ADAMTS16: variants seen among roughly 807,000 people sequenced by gnomAD.
ADAMTS16 encodes the protein A disintegrin and metalloproteinase with thrombospondin motifs 16.
Under a neutral mutation model 145.8 loss-of-function variants are expected in ADAMTS16, and 94 were observed. The ratio of observed to expected loss-of-function variants is 0.64; its 90% CI spans 0.55 to 0.77. ADAMTS16 has a LOEUF of 0.77. Among genes scored for constraint, ADAMTS16 ranks in the 30% least tolerant of loss-of-function variants. The pLI is 0.00. For missense variants in ADAMTS16, 1,585 were observed against 1,591.5 expected, an observed-to-expected ratio of 1.00 and a Z score of 0.07; for synonymous variants, 659 against 604.3, an observed-to-expected ratio of 1.09 and a Z score of -1.33.
chr5:5,309,855 T>TGTGTGTGTGCGC (rs1025058238), intron 21 of ADAMTS16, among the ~76,000 whole-genome samples: 2 of 149,684 alleles, frequency 1.3e-5, no homozygotes, highest in African/African-American at 4.9e-5. Flanking sequence ...TGTGTGTGTG[T>TGTGTGTGTGCGC]GCATGTGATC....
intron 9 of ADAMTS16, among the ~76,000 whole-genome samples, chr5:5,208,087 A>G (rs933916145): frequency 2.6e-5 from 4 of 152,230 alleles, no homozygotes; most frequent in Non-Finnish European, 5.9e-5. Context: ...AAGAGATTGT[A>G]GAGAATTGGT....
intron 11 of ADAMTS16, among the ~76,000 whole-genome samples, chr5:5,227,505 CTGTGTGTG>C (rs55875918): frequency 0.19 from 28,547 of 148,284 alleles, 3,107 homozygotes; most frequent in East Asian, 0.48. Flanking sequence ...AGATCTAATA[CTGTGTGTG>C]TGTGTGTGTG....
intron 21 of ADAMTS16, among the ~76,000 whole-genome samples, chr5:5,307,395 G>A (rs1004049527): frequency 2.0e-5 from 3 of 152,198 alleles, no homozygotes; most frequent in African/African-American, 7.2e-5. Context: ...TTGGCTGGGA[G>A]AGTGAGCCTC....
chr5:5,230,689 C>T (rs868842314), intron 11 of ADAMTS16, among the ~76,000 whole-genome samples: 1 of 152,182 alleles, frequency 6.6e-6, no homozygotes, highest in Non-Finnish European at 1.5e-5. Flanking sequence ...AAGCTATTAC[C>T]ATGTCAATAC....
intron 18 of ADAMTS16, among the ~76,000 whole-genome samples, chr5:5,279,701 A>G (rs1738826004): frequency 7.3e-6 from 1 of 137,610 alleles, no homozygotes; most frequent in Admixed American, 7.3e-5. Context: ...TTTATCTTCC[A>G]GGTTTTCTGC....
At chr5:5,151,594 T>C (rs1579273727) in intron 3 of ADAMTS16, among the ~76,000 whole-genome samples, 1 of 144,004 alleles carries the variant, frequency 6.9e-6, no homozygotes, top group African/African-American at 2.7e-5. Flanking sequence ...ACATGATGTT[T>C]ATACACACAC....
intron 17 of ADAMTS16, among the ~76,000 whole-genome samples, chr5:5,251,080 T>C (rs79822401): frequency 0.038 from 5,814 of 152,262 alleles, 123 homozygotes; most frequent in Middle Eastern, 0.058. Flanking sequence ...TCCACCTTCA[T>C]GAAGGCTCAA....
Position 5,209,189 on chromosome 5 carries a change from A to G in ADAMTS16, c.1548A>G (p.Thr516=). ...CAGGAGAATTATATGATGCAAACAC[A>G]CAGTGCAAGTGGCAGTTCGGAGAGA... The part of the protein sequence containing the change: ...KLPGELYDAN[T]QCKWQFGEKA... The change falls in exon 10 of 23, where the codon ACA becomes ACG. Residue 516 remains threonine, a synonymous_variant. Coordinates refer to ENST00000274181, the MANE Select transcript of ADAMTS16 (RefSeq NM_139056.4). 6.2e-7 allele frequency: 1 copy of G among 1,614,096 alleles called. No homozygotes were observed. Among genetic ancestry groups the G allele is most frequent in the Non-Finnish European group, 8.5e-7 (1 of 1,179,930 alleles).
chr5:5,222,490 G>C (rs971150931), intron 10 of ADAMTS16, among the ~76,000 whole-genome samples: 1 of 152,034 alleles, frequency 6.6e-6, no homozygotes, highest in Admixed American at 6.6e-5. Context: ...ACTTTTTATA[G>C]TTTTCTGCAA....
chr5:5,235,125 G>A lies in ADAMTS16; in HGVS notation c.1962G>A (p.Glu654=). 6.2e-7 allele frequency: 1 copy of A among 1,600,710 alleles called. No homozygotes were observed. Among genetic ancestry groups the A allele is most frequent in the South Asian group, 1.1e-5 (1 of 90,514 alleles). ...SVDFRAAQCA[E]HNSRRFRGRH... is the part of the protein sequence containing the mutation. ...ACTTCCGTGCTGCTCAGTGTGCCGA[G>A]CACAACAGCAGACGATTCAGAGGGC... Residue 654 remains glutamate (E), a synonymous_variant, in exon 13 of 23, where the codon GAG becomes GAA. Coordinates refer to ENST00000274181, the MANE Select transcript of ADAMTS16 (RefSeq NM_139056.4).
chr5:5,288,939 C>T (rs1024316617), intron 18 of ADAMTS16, among the ~76,000 whole-genome samples: 3 of 152,136 alleles, frequency 2.0e-5, no homozygotes, highest in Non-Finnish European at 4.4e-5. Flanking sequence ...TCAGCTTCCT[C>T]GTTCATGAAA....
chr5:5,207,456 A>G (rs1333610589), intron 9 of ADAMTS16, among the ~76,000 whole-genome samples: 1 of 152,012 alleles, frequency 6.6e-6, no homozygotes, highest in Non-Finnish European at 1.5e-5. Flanking sequence ...TCAAATTTCT[A>G]CCTAGACAAT....
At chr5:5,167,489 G>T (rs1175678697) in intron 3 of ADAMTS16, among the ~76,000 whole-genome samples, 3 of 152,110 alleles carry the variant, frequency 2.0e-5, no homozygotes, top group Non-Finnish European at 4.4e-5. Context: ...CTTAAGTTTT[G>T]GTTGTTCTTA....
In ADAMTS16 at chr5:5,319,296, T is replaced by G; in HGVS notation, c.*158T>G. On this transcript the variant is annotated 3_prime_UTR_variant, in exon 23 of 23. Transcript: ENST00000274181. ...TTGACCAGGAGTGTATGTATGTGTT[T>G]CACTGTGAGCCTGGGTGCAGACCTG... 1 of 624,374 alleles carries G rather than the reference T, an allele frequency of 1.6e-6. No homozygotes were observed. Among genetic ancestry groups the G allele is most frequent in the Non-Finnish European group, 2.9e-6 (1 of 350,278 alleles). The allele number at this position is 624,374 out of a possible 1,614,324, so 38.7% of individuals were successfully genotyped here.
At chr5:5,168,254 AG>A (rs1446688921) in intron 3 of ADAMTS16, among the ~76,000 whole-genome samples, 1 of 151,660 alleles carries the variant, frequency 6.6e-6, no homozygotes, top group Non-Finnish European at 1.5e-5. Context: ...CATTTTTATG[AG>A]GCATGTCCAT....
chr5:5,168,557 AT>A (rs1227535647), intron 3 of ADAMTS16, among the ~76,000 whole-genome samples: 99 of 135,590 alleles, frequency 7.3e-4, no homozygotes, highest in Non-Finnish European at 1.2e-3. Flanking sequence ...TTATATTTTT[AT>A]TTTTTTATTA....
intron 17 of ADAMTS16, among the ~76,000 whole-genome samples, chr5:5,245,050 G>A (rs546068122): frequency 5.9e-5 from 9 of 152,206 alleles, no homozygotes; most frequent in African/African-American, 2.2e-4. Flanking sequence ...AATTTTAAGT[G>A]GTTATTTTGA....
At position 5,319,317 on chromosome 5, in the gene ADAMTS16, A is replaced by G; in HGVS notation, c.*179A>G. ...TGTTTCACTGTGAGCCTGGGTGCAG[A>G]CCTGTGTCCCCATGCACACAGTGTC... On this transcript the variant is annotated 3_prime_UTR_variant, in exon 23 of 23. Coordinates refer to ENST00000274181, the MANE Select transcript of ADAMTS16 (RefSeq NM_139056.4). 1.7e-6 allele frequency: 1 copy of G among 590,298 alleles called. No individual in the cohort carries two copies. Among genetic ancestry groups the G allele is most frequent in the Non-Finnish European group, 3.0e-6 (1 of 328,260 alleles). 36.6% of individuals were successfully genotyped at this position (590,298 alleles called of 1,614,324 possible).
intron 17 of ADAMTS16, among the ~76,000 whole-genome samples, chr5:5,247,358 G>GC (rs1202792306): frequency 2.7e-5 from 4 of 149,382 alleles, no homozygotes; most frequent in South Asian, 2.1e-4. Context: ...TTACCCCCCC[G>GC]CCCCCCGATC....
Sources: gnomAD v4.1 joint callset for allele counts (sites outside exome capture counted in the v4.1 genomes callset) on GRCh38, gnomAD v4.1.1 for gene constraint, MANE v1.5 for transcripts, NCBI Gene and HGNC (gene_info 2026-07-23, HGNC 2026-07-21) for gene names.